The following SORBS2 variants were observed in gnomAD, a reference collection of about 807,000 sequenced individuals.
SORBS2 encodes sorbin and SH3 domain containing 2, also known as sorbin and SH3 domain-containing protein 2.
SORBS2 carries 46 observed loss-of-function variants against 97.7 expected under a neutral mutation model. The ratio of observed to expected loss-of-function variants is 0.47; its 90% confidence interval spans 0.37 to 0.60. The LOEUF (loss-of-function observed/expected upper bound fraction) is 0.60. Ranked by LOEUF, SORBS2 falls within the 20% of genes least tolerant of loss-of-function variation. The pLI, the probability that SORBS2 is intolerant of heterozygous loss-of-function variation, is 0.00. For synonymous variants in SORBS2, 476 were observed against 473.4 expected (o/e 1.01, Z -0.07); for missense variants, 1,316 against 1,282.3 (o/e 1.03, Z -0.40).
At chr4:185,611,754 A>G in intron 12 of SORBS2, 26 bp downstream of exon 24, 1 of 1,581,492 alleles carries the variant, frequency 6.3e-7, no homozygotes. Flanking sequence ...CCAATATTAC[A>G]TTAACATGAT....
intron 1 of SORBS2, among the ~76,000 whole-genome samples, chr4:185,892,042 C>T (rs999214531): frequency 2.0e-5 from 3 of 152,128 alleles, no homozygotes; most frequent in Non-Finnish European, 2.9e-5. Flanking sequence ...ACCATCTTGG[C>T]CAGGATGGTC....
chr4:185,834,293 C>T (rs944570793), intron 1 of SORBS2, among the ~76,000 whole-genome samples: 1 of 152,098 alleles, frequency 6.6e-6, no homozygotes, highest in African/African-American at 2.4e-5. Flanking sequence ...AATTACCTCC[C>T]ACCAGGCTCC....
At chr4:185,775,257 A>G (rs2098994358) in exon 2 of SORBS2, 1 of 152,666 alleles carries the variant, frequency 6.6e-6, no homozygotes, top group African/African-American at 2.4e-5. Context: ...CAGTTGCTCT[A>G]TACAGAGGAA....
At chr4:185,904,337 C>T (rs760209247) in intron 1 of SORBS2, among the ~76,000 whole-genome samples, 32 of 152,246 alleles carry the variant, frequency 2.1e-4, no homozygotes, top group Non-Finnish European at 4.4e-4. Flanking sequence ...GGAGGAAGAT[C>T]TAAGTTCATT....
At chr4:185,720,442 C>T (rs902852436) in intron 2 of SORBS2, among the ~76,000 whole-genome samples, 2 of 152,168 alleles carry the variant, frequency 1.3e-5, no homozygotes, top group African/African-American at 2.4e-5. Context: ...GGCTATTGAA[C>T]GTATTTCTGT....
intron 2 of SORBS2, chr4:185,774,367 A>C (rs2098989179): frequency 6.6e-6 from 1 of 152,204 alleles, no homozygotes; most frequent in Non-Finnish European, 1.5e-5. Context: ...AGGAAAACTA[A>C]AGCTCCAATA....
intron 4 of SORBS2, chr4:185,638,096 G>C (rs2097054782): frequency 1.2e-6 from 2 of 1,605,426 alleles, no homozygotes; most frequent in Non-Finnish European, 1.7e-6. Context: ...CCAAACTCCA[G>C]TTCTGAAAAG....
intron 1 of SORBS2, among the ~76,000 whole-genome samples, chr4:185,834,937 T>C (rs1027185639): frequency 3.9e-5 from 6 of 152,188 alleles, no homozygotes; most frequent in Admixed American, 1.3e-4. Context: ...TGAATTGTAA[T>C]CCCCCGTGTT....
At chr4:185,731,417 C>T (rs1022749351) in intron 2 of SORBS2, among the ~76,000 whole-genome samples, 12 of 151,950 alleles carry the variant, frequency 7.9e-5, no homozygotes, top group African/African-American at 2.2e-4. Flanking sequence ...ATGCAATAAC[C>T]AAGCACTGGC....
chr4:185,705,134 C>T (rs1217634514), intron 2 of SORBS2, among the ~76,000 whole-genome samples: 3 of 152,200 alleles, frequency 2.0e-5, no homozygotes, highest in Non-Finnish European at 2.9e-5. Context: ...TCAAAGGCCA[C>T]GAGTTTGTGG....
chr4:185,646,841 T>A, intron 3 of SORBS2, 59 bp from the exon 13 acceptor site: 2 of 960,540 alleles, frequency 2.1e-6, no homozygotes, highest in South Asian at 1.3e-5. Flanking sequence ...AGCAATTGTG[T>A]AAAACCAGTT....
chr4:185,839,689 G>A (rs1467065159), intron 1 of SORBS2, among the ~76,000 whole-genome samples: 10 of 152,176 alleles, frequency 6.6e-5, no homozygotes, highest in Admixed American at 4.6e-4. Flanking sequence ...AAGGACATAC[G>A]TATAAAACTC....
chr4:185,593,736 GGA>G, intron 13 of SORBS2, 148 bp downstream of exon 25: 1 of 620,598 alleles, frequency 1.6e-6, no homozygotes, highest in Admixed American at 2.8e-5. Context: ...CATAAAAGAT[GGA>G]GAGACTATTA....
chr4:185,829,674 T>C (rs1262292560), intron 1 of SORBS2, among the ~76,000 whole-genome samples: 1 of 152,244 alleles, frequency 6.6e-6, no homozygotes, highest in African/African-American at 2.4e-5. Flanking sequence ...TAAGTTTTGC[T>C]CTTAATTTCT....
At chr4:185,758,130 C>T (rs1209479943) in intron 2 of SORBS2, among the ~76,000 whole-genome samples, 5 of 152,200 alleles carry the variant, frequency 3.3e-5, no homozygotes, top group South Asian at 2.1e-4. Context: ...AAGAAACTCT[C>T]GGGTCCTAAC....
chr4:185,597,768 A>C (rs1177788980), intron 12 of SORBS2, among the ~76,000 whole-genome samples: 1 of 152,074 alleles, frequency 6.6e-6, no homozygotes, highest in Non-Finnish European at 1.5e-5. Flanking sequence ...ATGCAGCTGC[A>C]CTCTGTCGCC....
intron 2 of SORBS2, among the ~76,000 whole-genome samples, chr4:185,719,874 A>C (rs1199874881): frequency 6.6e-6 from 1 of 152,232 alleles, no homozygotes; most frequent in African/African-American, 2.4e-5. Context: ...TTAATTTATA[A>C]CGGAAGTTTC....
At chr4:185,870,721 G>A (rs536457479) in intron 1 of SORBS2, among the ~76,000 whole-genome samples, 56 of 152,312 alleles carry the variant, frequency 3.7e-4, no homozygotes, top group African/African-American at 1.3e-3. Flanking sequence ...CCTTGGGAGA[G>A]TTTTCAGAAT....
At chr4:185,875,675 C>T (rs2099233178) in intron 1 of SORBS2, among the ~76,000 whole-genome samples, 1 of 152,242 alleles carries the variant, frequency 6.6e-6, no homozygotes, top group African/African-American at 2.4e-5. Context: ...GCTTGCAGCC[C>T]TCTGCTCCCT....
Sources: gnomAD v4.1 joint callset for allele counts (sites outside exome capture counted in the v4.1 genomes callset) on GRCh38, gnomAD v4.1.1 for gene constraint, MANE v1.5 for transcripts, NCBI Gene and HGNC (gene_info 2026-07-23, HGNC 2026-07-21) for gene names.